The following CRACDL variants were observed in gnomAD, a reference collection of about 807,000 sequenced individuals.
CRACDL encodes CRACD-like protein.
In CRACDL, 26 loss-of-function variants were observed where a neutral mutation model predicts 70.6. That is an observed-to-expected ratio of 0.37 (90% confidence interval 0.27 to 0.51). The LOEUF is 0.51. Among genes scored for constraint, CRACDL ranks in the 20% least tolerant of loss-of-function variants. The pLI, the probability that CRACDL is intolerant of heterozygous loss-of-function variation, is 0.94. For synonymous variants in CRACDL, 618 were observed against 615.2 expected, an observed-to-expected ratio of 1.00 and a Z score of -0.07; for missense variants, 1,283 against 1,376.9, an observed-to-expected ratio of 0.93 and a Z score of 1.08.
At chr2:98,797,638 G>C in intron 7 of CRACDL, 101 bp from the exon 8 acceptor site, 2 of 1,103,386 alleles carry the variant, frequency 1.8e-6, no homozygotes, top group South Asian at 2.9e-5. Context: ...TTGGTTCAGG[G>C]TTGCAGGGTG....
intron 7 of CRACDL, among the ~76,000 whole-genome samples, chr2:98,807,454 C>G (rs1704356587): frequency 6.6e-6 from 1 of 152,170 alleles, no homozygotes; most frequent in Non-Finnish European, 1.5e-5. Flanking sequence ...CCTCCCTTCC[C>G]CACCCTACCA....
chr2:98,804,728 G>C (rs562275448), intron 7 of CRACDL, among the ~76,000 whole-genome samples: 1 of 152,172 alleles, frequency 6.6e-6, no homozygotes, highest in East Asian at 1.9e-4. Context: ...TTACAGTGCC[G>C]TTGGCTGTGT....
At chr2:98,895,028 T>G (rs915582859) in intron 1 of CRACDL, among the ~76,000 whole-genome samples, 1 of 152,260 alleles carries the variant, frequency 6.6e-6, no homozygotes, top group Middle Eastern at 3.4e-3. Flanking sequence ...GGAGGATCAC[T>G]TGAGCCTGGG....
At chr2:98,883,491 G>A (rs1198856509) in intron 1 of CRACDL, among the ~76,000 whole-genome samples, 2 of 152,178 alleles carry the variant, frequency 1.3e-5, no homozygotes, top group Non-Finnish European at 2.9e-5. Context: ...GTTCTCAGGC[G>A]CCTGCACTGC....
chr2:98,850,075 A>G (rs1706420429), intron 1 of CRACDL, among the ~76,000 whole-genome samples: 1 of 152,236 alleles, frequency 6.6e-6, no homozygotes, highest in Non-Finnish European at 1.5e-5. Context: ...CATGCCCGGC[A>G]TGCCCTGGCA....
chr2:98,863,012 C>A (rs1307089347), intron 1 of CRACDL, among the ~76,000 whole-genome samples: 1 of 151,896 alleles, frequency 6.6e-6, no homozygotes, highest in East Asian at 1.9e-4. Flanking sequence ...TACATACACA[C>A]ACATATGTTT....
intron 3 of CRACDL, among the ~76,000 whole-genome samples, chr2:98,836,812 G>A (rs539778511): frequency 3.3e-5 from 5 of 152,152 alleles, no homozygotes; most frequent in African/African-American, 1.2e-4. Flanking sequence ...GCCGGGCGCC[G>A]TGGATCACGC....
At chr2:98,877,406 C>T (rs1241725449) in intron 1 of CRACDL, among the ~76,000 whole-genome samples, 1 of 152,206 alleles carries the variant, frequency 6.6e-6, no homozygotes, top group Admixed American at 6.5e-5. Context: ...TGGGAAATTC[C>T]TATCACCTAG....
chr2:98,808,935 G>A (rs1704436710), intron 7 of CRACDL, among the ~76,000 whole-genome samples: 1 of 152,152 alleles, frequency 6.6e-6, no homozygotes, highest in African/African-American at 2.4e-5. Flanking sequence ...ACCTGTGCAG[G>A]AACCAGAGCA....
intron 1 of CRACDL, among the ~76,000 whole-genome samples, chr2:98,928,216 T>A (rs1305916820): frequency 6.6e-6 from 1 of 151,776 alleles, no homozygotes; most frequent in Non-Finnish European, 1.5e-5. Context: ...TAAAAAAAAA[T>A]AAGACAGCTC....
chr2:98,804,305 C>T (rs974945818), intron 7 of CRACDL, among the ~76,000 whole-genome samples: 2 of 152,224 alleles, frequency 1.3e-5, no homozygotes, highest in Non-Finnish European at 2.9e-5. Flanking sequence ...TCCTTCCTCT[C>T]CTCATTCAAC....
At chr2:98,899,145 A>C (rs1573168598) in intron 1 of CRACDL, among the ~76,000 whole-genome samples, 1 of 152,172 alleles carries the variant, frequency 6.6e-6, no homozygotes, top group African/African-American at 2.4e-5. Context: ...TGGTGGCAGG[A>C]ACATGAAATT....
intron 7 of CRACDL, among the ~76,000 whole-genome samples, chr2:98,815,842 T>A (rs973734764): frequency 1.3e-5 from 2 of 152,320 alleles, no homozygotes; most frequent in Middle Eastern, 6.8e-3. Context: ...GAGTTGTGCC[T>A]CACAAGGGAC....
chr2:98,810,234 G>T (rs1450538895), intron 7 of CRACDL, among the ~76,000 whole-genome samples: 1 of 152,208 alleles, frequency 6.6e-6, no homozygotes, highest in Non-Finnish European at 1.5e-5. Flanking sequence ...TGTACAGAGT[G>T]CCAGGGAGCT....
rs183223010 is a variant in CRACDL, at chr2:98,925,042, G to A, written c.-11+10896C>T. On this transcript the variant is annotated intron_variant, in intron 1 of 9. Transcript: ENST00000397899. ...GCCCCACCAGGGTGCGGTCCAGGACGACCCAGCTCTCAGCCTGTCCCTTTC... is the reference window on the plus strand; with the variant it reads ...GCCCCACCAGGGTGCGGTCCAGGACAACCCAGCTCTCAGCCTGTCCCTTTC... 1.9e-3 allele frequency among the ~76,000 whole-genome samples: 294 copies of A among 152,328 alleles called. 2 individuals carry two copies. Among genetic ancestry groups the A allele is most frequent in the Non-Finnish European group, 3.2e-3 (216 of 68,030 alleles).
intron 1 of CRACDL, among the ~76,000 whole-genome samples, chr2:98,862,196 G>C (rs1254635543): frequency 6.6e-6 from 1 of 152,304 alleles, no homozygotes; most frequent in Non-Finnish European, 1.5e-5. Flanking sequence ...TCTCAGGAAA[G>C]ATCTGGGAAG....
chr2:98,811,120 C>T (rs1422160518), intron 7 of CRACDL, among the ~76,000 whole-genome samples: 2 of 152,098 alleles, frequency 1.3e-5, no homozygotes, highest in African/African-American at 4.8e-5. Context: ...TCAAGGGAAA[C>T]ACGATGAATC....
chr2:98,863,728 C>T (rs1027122532), intron 1 of CRACDL, among the ~76,000 whole-genome samples: 2 of 152,162 alleles, frequency 1.3e-5, no homozygotes, highest in Non-Finnish European at 2.9e-5. Flanking sequence ...GTCAGCTGTG[C>T]ATTTTCAACT....
Position 98,794,410 on chromosome 2 carries a change from G to A in CRACDL, c.*122C>T, listed in dbSNP as rs551425865. ...TGGTTCCTTCCTCTTCCCCAAGTTC[G>A]TCATAACTTGATGATAAAATCAATC... On this transcript the variant is annotated 3_prime_UTR_variant, in exon 10 of 10. Coordinates refer to ENST00000397899, the MANE Select transcript of CRACDL (RefSeq NM_207362.3). The A allele has an allele frequency of 1.2e-5, 11 of 913,742 alleles. No individual in the cohort carries two copies. The East Asian group carries it at 1.2e-4, about 10-fold the overall frequency. 56.6% of individuals were successfully genotyped at this position (913,742 alleles called of 1,614,324 possible).
Sources: gnomAD v4.1 joint callset for allele counts (sites outside exome capture counted in the v4.1 genomes callset) on GRCh38, gnomAD v4.1.1 for gene constraint, MANE v1.5 for transcripts, NCBI Gene and HGNC (gene_info 2026-07-23, HGNC 2026-07-21) for gene names.